The following SLC24A2 variants were observed in gnomAD, a reference collection of about 807,000 sequenced individuals.
SLC24A2 encodes the protein sodium/potassium/calcium exchanger 2.
A neutral mutation model predicts 62.0 loss-of-function variants in SLC24A2; 36 were observed. The ratio of observed to expected loss-of-function variants is 0.58; its 90% CI spans 0.44 to 0.77. The LOEUF (loss-of-function observed/expected upper bound fraction) is 0.77, where lower values mean the gene tolerates loss of function less well. Ranked by LOEUF, SLC24A2 falls within the 30% of genes least tolerant of loss-of-function variation. SLC24A2 has a pLI of 0.00. For missense variants in SLC24A2, 846 were observed against 817.9 expected (o/e 1.03, Z -0.42); for synonymous variants, 358 against 294.0 (o/e 1.22, Z -2.23).
At chr9:20,051,657 C>CTTTGTTTTTTTTTTTTTTT in the SLC24A2 span, among the ~76,000 whole-genome samples, 1 of 73,514 alleles carries the variant, frequency 1.4e-5, no homozygotes, top group Non-Finnish European at 2.4e-5. Context: ...TTTTCTTTCT[C>CTTTGTTTTTTTTTTTTTTT]TTTTTTTTTT....
chr9:20,041,835 T>C, the SLC24A2 span, among the ~76,000 whole-genome samples: 1 of 152,272 alleles, frequency 6.6e-6, no homozygotes, highest in Admixed American at 6.5e-5. Flanking sequence ...CTTGGCAGGA[T>C]GCCCACCCAT....
the SLC24A2 span, among the ~76,000 whole-genome samples, chr9:19,805,407 T>C: frequency 6.6e-6 from 1 of 152,166 alleles, no homozygotes; most frequent in Non-Finnish European, 1.5e-5. Context: ...TATCTAACAA[T>C]AAATTTACCC....
intron 5 of SLC24A2, among the ~76,000 whole-genome samples, chr9:19,585,833 G>A (rs552012757): frequency 1.3e-5 from 2 of 152,146 alleles, no homozygotes; most frequent in Non-Finnish European, 2.9e-5. Context: ...ACCCACGTGT[G>A]CCCATTCAGG....
At chr9:20,016,016 T>G in the SLC24A2 span, among the ~76,000 whole-genome samples, 1 of 152,218 alleles carries the variant, frequency 6.6e-6, no homozygotes, top group Non-Finnish European at 1.5e-5. Flanking sequence ...TTCACAAGTG[T>G]AATAACAAAT....
chr9:19,640,280 C>T (rs1818458302), intron 2 of SLC24A2, among the ~76,000 whole-genome samples: 1 of 152,150 alleles, frequency 6.6e-6, no homozygotes, highest in African/African-American at 2.4e-5. Flanking sequence ...GTACTCACTG[C>T]ATAAAGAAGA....
chr9:20,018,291 C>A, the SLC24A2 span, among the ~76,000 whole-genome samples: 3 of 152,174 alleles, frequency 2.0e-5, no homozygotes, highest in East Asian at 1.9e-4. Context: ...TCAATATTAA[C>A]CATCACAGAG....
intron 2 of SLC24A2, among the ~76,000 whole-genome samples, chr9:19,775,899 G>T (rs2118909336): frequency 6.6e-6 from 1 of 152,290 alleles, no homozygotes. Context: ...CCTGCTGAAA[G>T]AAAGGAAGAA....
chr9:19,978,029 G>T, the SLC24A2 span, among the ~76,000 whole-genome samples: 7 of 152,232 alleles, frequency 4.6e-5, no homozygotes, highest in South Asian at 1.0e-3. Flanking sequence ...GGGGTGTCTT[G>T]GTAACTTACA....
rs373175958 is a variant in SLC24A2 at position 19,607,653 on chromosome 9, AG to A, written c.1079-10375del. The stretch of plus-strand genomic sequence containing the variant: ...AGACTCGCTTGAACCCGGGAGGTGG[AG>A]GTGGCAGTGAGCCAAGATCGTGCCA... On this transcript the variant is annotated intron_variant, in intron 4 of 10. Coordinates refer to ENST00000341998, the MANE Select transcript of SLC24A2 (RefSeq NM_020344.4). Among the ~76,000 whole-genome samples, 658 of 137,816 alleles carry A rather than the reference AG, an allele frequency of 4.8e-3. 4 individuals carry two copies. Among genetic ancestry groups the A allele is most frequent in the African/African-American group, 0.016 (600 of 36,870 alleles). 90.4% of individuals were successfully genotyped at this position (137,816 alleles called of 152,430 possible).
chr9:19,631,970 C>T (rs543676686), intron 2 of SLC24A2, among the ~76,000 whole-genome samples: 1 of 152,068 alleles, frequency 6.6e-6, no homozygotes, highest in Non-Finnish European at 1.5e-5. Flanking sequence ...ATGGAATAGG[C>T]CCACCATGCA....
chr9:20,269,112 TG>T, the SLC24A2 span, among the ~76,000 whole-genome samples: 1 of 152,178 alleles, frequency 6.6e-6, no homozygotes, highest in Non-Finnish European at 1.5e-5. Context: ...GGGAGTTACT[TG>T]TTTTTTGCCT....
the SLC24A2 span, among the ~76,000 whole-genome samples, chr9:20,281,149 C>T: frequency 6.6e-6 from 1 of 152,078 alleles, no homozygotes; most frequent in East Asian, 1.9e-4. Flanking sequence ...AAGCAGTTCT[C>T]GAACTCCTGG....
chr9:19,795,094 T>C, the SLC24A2 span, among the ~76,000 whole-genome samples: 1 of 152,212 alleles, frequency 6.6e-6, no homozygotes, highest in Admixed American at 6.5e-5. Flanking sequence ...ATTCAATTCA[T>C]AAAATTGAAA....
At chr9:19,880,272 C>T in the SLC24A2 span, among the ~76,000 whole-genome samples, 1 of 152,108 alleles carries the variant, frequency 6.6e-6, no homozygotes, top group African/African-American at 2.4e-5. Context: ...ACATGGAGAA[C>T]CAGGGAAGTA....
the SLC24A2 span, among the ~76,000 whole-genome samples, chr9:20,040,967 T>G: frequency 2.0e-5 from 3 of 152,248 alleles, no homozygotes; most frequent in Non-Finnish European, 4.4e-5. Flanking sequence ...ACAGATCTGT[T>G]TAATTCCTAA....
chr9:19,566,297 TGAA>T, intron 7 of SLC24A2, among the ~76,000 whole-genome samples: 1 of 137,016 alleles, frequency 7.3e-6, no homozygotes, highest in Non-Finnish European at 1.6e-5. Context: ...AAAAAGTGGG[TGAA>T]GGATATGAAC....
intron 2 of SLC24A2, among the ~76,000 whole-genome samples, chr9:19,654,846 G>A (rs914834193): frequency 5.3e-5 from 8 of 152,074 alleles, no homozygotes; most frequent in African/African-American, 9.7e-5. Context: ...GTACTCACAC[G>A]GCAATGCAAG....
chr9:19,568,923 T>C (rs980818535), intron 7 of SLC24A2, among the ~76,000 whole-genome samples: 1 of 152,280 alleles, frequency 6.6e-6, no homozygotes, highest in Non-Finnish European at 1.5e-5. Context: ...TCCAAGCAAA[T>C]GTTTATATGC....
chr9:19,989,640 C>T, the SLC24A2 span, among the ~76,000 whole-genome samples: 5 of 152,198 alleles, frequency 3.3e-5, no homozygotes, highest in Non-Finnish European at 5.9e-5. Context: ...TCCCTTGCTG[C>T]TTTTAATCTG....
Sources: allele counts gnomAD v4.1 joint callset (sites outside exome capture counted in the v4.1 genomes callset), GRCh38; gene constraint gnomAD v4.1.1; transcripts MANE v1.5; gene names NCBI Gene and HGNC (gene_info 2026-07-23, HGNC 2026-07-21).